NBEA: variants seen among roughly 807,000 people sequenced by gnomAD.
NBEA encodes the protein lysosomal-trafficking regulator 2.
A neutral mutation model predicts 343.4 loss-of-function variants in NBEA; 44 were observed. The ratio of observed to expected loss-of-function variants is 0.13; its 90% CI spans 0.10 to 0.16. NBEA has a LOEUF of 0.16. NBEA is among the 10% of genes least tolerant of loss of function. The pLI, the probability that NBEA is intolerant of heterozygous loss-of-function variation, is 1.00. For synonymous variants in NBEA, 1,175 were observed against 1,238.7 expected (o/e 0.95, Z 1.08); for missense variants, 2,555 against 3,631.3 (o/e 0.70, Z 7.62).
chr13:35,404,552 A>G (rs930937650), intron 38 of NBEA, among the ~76,000 whole-genome samples: 2 of 142,184 alleles, frequency 1.4e-5, no homozygotes, highest in Admixed American at 1.5e-4. Context: ...GAATTGAACA[A>G]TGAGAACACA....
chr13:35,302,420 T>C (rs2036615961), intron 35 of NBEA, among the ~76,000 whole-genome samples: 1 of 152,166 alleles, frequency 6.6e-6, no homozygotes, highest in Admixed American at 6.5e-5. Flanking sequence ...AGACATTGAC[T>C]TGGTAAATTG....
chr13:35,031,417 A>C (rs2062212472), intron 1 of NBEA, among the ~76,000 whole-genome samples: 1 of 151,678 alleles, frequency 6.6e-6, no homozygotes, highest in Admixed American at 6.6e-5. Context: ...TCCATAATAA[A>C]TTTGATTTTG....
At chr13:35,278,146 CAT>C (rs1387157355) in intron 34 of NBEA, among the ~76,000 whole-genome samples, 1 of 148,368 alleles carries the variant, frequency 6.7e-6, no homozygotes, top group Non-Finnish European at 1.5e-5. Context: ...TATATGCACA[CAT>C]ATATATGCAT....
At chr13:34,972,552 C>T (rs1192541150) in intron 1 of NBEA, among the ~76,000 whole-genome samples, 1 of 152,140 alleles carries the variant, frequency 6.6e-6, no homozygotes, top group African/African-American at 2.4e-5. Flanking sequence ...TTTCAAAGAA[C>T]GTCTTGATTT....
At chr13:35,478,944 G>A (rs1218217444) in intron 41 of NBEA, among the ~76,000 whole-genome samples, 1 of 152,220 alleles carries the variant, frequency 6.6e-6, no homozygotes, top group African/African-American at 2.4e-5. Context: ...ATGCCGGTCG[G>A]GCCTGGCTGG....
intron 45 of NBEA, among the ~76,000 whole-genome samples, chr13:35,578,686 A>T (rs985426363): frequency 6.6e-6 from 1 of 152,176 alleles, no homozygotes; most frequent in African/African-American, 2.4e-5. Context: ...TGTTATACAA[A>T]TATATAGTAT....
chr13:35,437,743 T>C (rs1841661), intron 39 of NBEA, among the ~76,000 whole-genome samples: 38,311 of 151,880 alleles, frequency 0.25, 5,099 homozygotes, highest in South Asian at 0.35. Flanking sequence ...ATTTTAAAAC[T>C]CATAAACTCA....
intron 34 of NBEA, among the ~76,000 whole-genome samples, chr13:35,260,925 T>C (rs2033151800): frequency 1.3e-5 from 2 of 152,210 alleles, no homozygotes. Flanking sequence ...CAAGTCTAAA[T>C]CTGATCTAAA....
chr13:35,390,148 G>A (rs2042432892), intron 38 of NBEA, among the ~76,000 whole-genome samples: 1 of 151,520 alleles, frequency 6.6e-6, no homozygotes, highest in Non-Finnish European at 1.5e-5. Context: ...TCTCATTCAT[G>A]TGTACTTATT....
intron 17 of NBEA, among the ~76,000 whole-genome samples, chr13:35,127,434 A>T (rs1399276413): frequency 6.6e-6 from 1 of 152,170 alleles, no homozygotes; most frequent in Non-Finnish European, 1.5e-5. Flanking sequence ...TAAAACTAAG[A>T]CTAAAATAAA....
In NBEA at chr13:35,040,906, C is replaced by T. The variant is rs527503829; in HGVS notation, c.295-27C>T. The T allele has an allele frequency of 5.1e-6, 8 of 1,575,246 alleles. No homozygotes were observed. In the Admixed American group the frequency reaches 6.7e-5, roughly 13 times the overall value. On this transcript the variant is annotated intron_variant, in intron 1 of 58. Transcript: ENST00000379939. ...TCATCGATAACCTCCCATGTTAACA[C>T]TATTGTTTCTTTCTGTTTACTTTCA...
chr13:35,449,825 AT>A (rs750742410), intron 39 of NBEA, among the ~76,000 whole-genome samples: 5 of 152,206 alleles, frequency 3.3e-5, no homozygotes, highest in African/African-American at 4.8e-5. Flanking sequence ...TGTAGCATTG[AT>A]TTGTCATAAT....
intron 18 of NBEA, among the ~76,000 whole-genome samples, chr13:35,145,898 A>G (rs895306725): frequency 6.6e-6 from 1 of 152,202 alleles, no homozygotes; most frequent in Non-Finnish European, 1.5e-5. Flanking sequence ...AGAGACTGAC[A>G]TGGAACTGGG....
intron 1 of NBEA, 75 bp from the exon 2 acceptor site, chr13:35,040,858 C>A (rs1353077402): frequency 1.6e-6 from 2 of 1,255,652 alleles, no homozygotes; most frequent in Admixed American, 1.9e-5. Context: ...GCTTTGAATT[C>A]TTGTTATTAT....
chr13:35,609,794 A>G (rs1299016256), intron 48 of NBEA, among the ~76,000 whole-genome samples: 2 of 152,196 alleles, frequency 1.3e-5, no homozygotes, highest in Non-Finnish European at 2.9e-5. Context: ...GTACTTAATT[A>G]TAATACAGGT....
intron 38 of NBEA, among the ~76,000 whole-genome samples, chr13:35,406,610 C>A (rs546733022): frequency 6.6e-6 from 1 of 152,106 alleles, no homozygotes; most frequent in Admixed American, 6.6e-5. Context: ...CAATTCCATC[C>A]GGGTTTCAGT....
At chr13:35,591,383 T>C (rs185464908) in intron 46 of NBEA, among the ~76,000 whole-genome samples, 14 of 152,234 alleles carry the variant, frequency 9.2e-5, no homozygotes, top group African/African-American at 3.4e-4. Flanking sequence ...GAATTAAACA[T>C]CTAAAAAGCA....
intron 41 of NBEA, among the ~76,000 whole-genome samples, chr13:35,493,008 A>T (rs1171232768): frequency 3.9e-5 from 6 of 152,028 alleles, no homozygotes; most frequent in African/African-American, 7.2e-5. Flanking sequence ...GGACACAGGC[A>T]TAGACTGCTG....
chr13:35,347,135 T>A (rs1254691688), intron 36 of NBEA, among the ~76,000 whole-genome samples: 1 of 152,134 alleles, frequency 6.6e-6, no homozygotes, highest in African/African-American at 2.4e-5. Context: ...TACATAATGA[T>A]ATTTTGTTTC....
Sources: gnomAD v4.1 joint callset for allele counts (sites outside exome capture counted in the v4.1 genomes callset) on GRCh38, gnomAD v4.1.1 for gene constraint, MANE v1.5 for transcripts, NCBI Gene and HGNC (gene_info 2026-07-23, HGNC 2026-07-21) for gene names.